FSIP2: variants seen among roughly 807,000 people sequenced by gnomAD.
FSIP2 encodes fibrous sheath interacting protein 2.
A neutral mutation model predicts 510.5 loss-of-function variants in FSIP2; 367 were observed. The ratio of observed to expected loss-of-function variants is 0.72; its 90% CI spans 0.66 to 0.78. FSIP2 has a LOEUF of 0.78. Among genes scored for constraint, FSIP2 ranks in the 30% least tolerant of loss-of-function variants. The pLI is 0.00. For synonymous variants in FSIP2, 2,601 were observed against 2,732.2 expected (o/e 0.95, Z 1.50); for missense variants, 7,594 against 7,901.7 (o/e 0.96, Z 1.48).
At chr2:185,743,409 A>G (rs1691963903) in intron 3 of FSIP2, 115 bp downstream of exon 3, 1 of 499,230 alleles carries the variant, frequency 2.0e-6, no homozygotes, top group Non-Finnish European at 3.3e-6. Flanking sequence ...GTCATGAGAC[A>G]ATACTTAATA....
chr2:185,795,995 T>C lies in FSIP2; in HGVS notation c.8859T>C (p.Thr2953=). The part of the protein sequence containing the change: ...ETLSNSKEHI[T]AKSKYGFPNK... ...TATCAAACAGTAAAGAACACATTAC[T>C]GCTAAAAGTAAATATGGTTTTCCAA... The change falls in exon 16 of 23, where the codon ACT becomes ACC. Residue 2953 remains threonine (T), a synonymous_variant. Transcript: ENST00000424728. The C allele has an allele frequency of 6.5e-7, 1 of 1,534,398 alleles. No homozygotes were observed. Among genetic ancestry groups the C allele is most frequent in the East Asian group, 2.5e-5 (1 of 40,810 alleles).
At chr2:185,747,279 C>A in intron 6 of FSIP2, 34 bp from the exon 7 acceptor site, 1 of 1,189,264 alleles carries the variant, frequency 8.4e-7, no homozygotes, top group Middle Eastern at 1.9e-4. Flanking sequence ...GTGAAAGGCA[C>A]ACACACCAAG....
At chr2:185,824,349 G>A (rs1029354301) in intron 19 of FSIP2, 85 bp from the exon 20 acceptor site, 1 of 852,744 alleles carries the variant, frequency 1.2e-6, no homozygotes. Flanking sequence ...CTTTCCATAT[G>A]GAGAATAACT....
chr2:185,792,343 A>T lies in FSIP2; in HGVS notation c.5207A>T (p.Lys1736Ile). 11 of 1,528,974 alleles carry T rather than the reference A, an allele frequency of 7.2e-6. No homozygotes were observed. The highest frequency in any genetic ancestry group is 9.6e-6 in the Non-Finnish European group (11 of 1,144,230). The allele number at this position is 1,528,974 out of a possible 1,614,324, so 94.7% of individuals were successfully genotyped here. A position where few individuals can be genotyped will look rare whatever the true frequency, so the allele number is the denominator to read the frequency against. ...FLEDDAYTAK[K>I]IIDERSPQRE... ...GAAGATGATGCATATACAGCGAAAAAAATTATTGATGAGAGATCCCCACAA... is the reference window on the plus strand; with the variant it reads ...GAAGATGATGCATATACAGCGAAAATAATTATTGATGAGAGATCCCCACAA... The change falls in exon 16 of 23, where the codon AAA becomes ATA. Residue 1736 changes from lysine (K) to isoleucine (I), a missense_variant. Physicochemically the swap from Lys to Ile is moderately radical, Grantham distance 102. Coordinates refer to ENST00000424728, the MANE Select transcript of FSIP2 (RefSeq NM_173651.4).
intron 22 of FSIP2, 52 bp downstream of exon 22, chr2:185,831,934 C>A: frequency 9.0e-7 from 1 of 1,105,566 alleles, no homozygotes; most frequent in Non-Finnish European, 1.4e-6. Context: ...TCAATTGCAT[C>A]ATTTTGAATT....
At chr2:185,765,861 T>A (rs1692463075) in intron 13 of FSIP2, 1 of 151,500 alleles carries the variant, frequency 6.6e-6, no homozygotes, top group East Asian at 1.9e-4. Context: ...GTCCTTCACA[T>A]CCCTTGTAAG....
chr2:185,817,215 G>A (rs2105672648), intron 19 of FSIP2, among the ~76,000 whole-genome samples: 1 of 151,930 alleles, frequency 6.6e-6, no homozygotes, highest in East Asian at 2.0e-4. Context: ...CTATCTATGG[G>A]CTTTCTTAAG....
rs1693089820 is a variant in FSIP2 at position 185,790,320 on chromosome 2, G to T, written c.3184G>T (p.Ala1062Ser). Residue 1062 changes from alanine to serine, a missense_variant, in exon 16 of 23, where the codon GCA (alanine) becomes TCA (serine). By Grantham distance (99) the Ala-to-Ser change is moderately conservative (BLOSUM62 1). Transcript: ENST00000424728. ...PTKPGSRSKA[A>S]FHDWELKTEP... ...AAAGCCTGGTTCTAGAAGCAAAGCT[G>T]CATTTCATGATTGGGAATTAAAGAC... is the stretch of plus-strand genomic sequence containing the variant. The T allele has an allele frequency of 1.3e-6, 2 of 1,533,716 alleles. No individual in the cohort carries two copies. The highest frequency in any genetic ancestry group is 1.7e-6 in the Non-Finnish European group (2 of 1,145,434).
intron 15 of FSIP2, among the ~76,000 whole-genome samples, chr2:185,787,453 G>T (rs899265019): frequency 6.6e-6 from 1 of 151,536 alleles, no homozygotes; most frequent in African/African-American, 2.4e-5. Context: ...GACTAATTTA[G>T]GCAATATTTT....
intron 2 of FSIP2, among the ~76,000 whole-genome samples, chr2:185,741,118 T>G (rs1691914264): frequency 6.6e-6 from 1 of 152,178 alleles, no homozygotes; most frequent in Non-Finnish European, 1.5e-5. Flanking sequence ...ATAATTCCTC[T>G]TTAGTGCATA....
chr2:185,831,686 G>A, intron 21 of FSIP2, 127 bp from the exon 22 acceptor site: 1 of 668,732 alleles, frequency 1.5e-6, no homozygotes, highest in Admixed American at 2.4e-5. Flanking sequence ...GCAGAGCACA[G>A]ATATATTTTA....
intron 5 of FSIP2, among the ~76,000 whole-genome samples, chr2:185,746,384 G>A (rs1650077276): frequency 6.6e-6 from 1 of 151,766 alleles, no homozygotes; most frequent in South Asian, 2.1e-4. Context: ...AATGCTTACT[G>A]TGCAAAATGT....
At position 185,828,780 on chromosome 2, in the gene FSIP2, C is replaced by T. The variant is rs899781749; in HGVS notation, c.20517+581C>T. ...GTTTCCAATGAGAAATGAAGCTACA[C>T]ATCTTCGTCTGTGTTTTTTAATCAG... On this transcript the variant is annotated intron_variant, in intron 21 of 22. Coordinates refer to ENST00000424728, the MANE Select transcript of FSIP2 (RefSeq NM_173651.4). 7.9e-5 allele frequency among the ~76,000 whole-genome samples: 12 copies of T among 152,002 alleles called. No homozygotes were observed. In the East Asian group the frequency reaches 1.8e-3, roughly 22 times the overall value.
chr2:185,789,319 CTGT>C lies in FSIP2; in HGVS notation c.2185_2187del (p.Val729del). 1 of 1,534,860 alleles carries C rather than the reference CTGT, an allele frequency of 6.5e-7. No homozygotes were observed. Among genetic ancestry groups the C allele is most frequent in the Non-Finnish European group, 8.7e-7 (1 of 1,145,976 alleles). Reference sequence around the variant, plus strand: ...ACCCAGGCCATTCCCTCTCTCTCTTCTGTTACTGCTGAAGTTTTTGTTGAACAA... The same window carrying C: ...ACCCAGGCCATTCCCTCTCTCTCTTCTACTGCTGAAGTTTTTGTTGAACAA... On this transcript the variant is annotated inframe_deletion, in exon 16 of 23. Transcript: ENST00000424728.
At chr2:185,776,849 C>G (rs1201060191) in intron 13 of FSIP2, among the ~76,000 whole-genome samples, 1 of 152,042 alleles carries the variant, frequency 6.6e-6, no homozygotes, top group African/African-American at 2.4e-5. Context: ...ACTCTCCTGC[C>G]TCAGCCTCCC....
chr2:185,824,667 C>G (rs1210122161), intron 20 of FSIP2, among the ~76,000 whole-genome samples, 187 bp downstream of exon 20: 1 of 151,530 alleles, frequency 6.6e-6, no homozygotes, highest in Admixed American at 6.6e-5. Context: ...GCCTAAACTG[C>G]CATTAAGATT....
rs771535446 is a variant in FSIP2, at chr2:185,833,266, A to C, written c.*40A>C. 1.3e-6 allele frequency: 2 copies of C among 1,539,092 alleles called. No homozygotes were observed. Among genetic ancestry groups the C allele is most frequent in the South Asian group, 1.2e-5 (1 of 83,296 alleles). The stretch of plus-strand genomic sequence containing the variant: ...ATATAAGTATGCTTACTTCTTTTAG[A>C]AAATAAAATGGTTTTTAAAGCATAG... On this transcript the variant is annotated 3_prime_UTR_variant, in exon 23 of 23. Coordinates refer to ENST00000424728, the MANE Select transcript of FSIP2 (RefSeq NM_173651.4).
chr2:185,740,147 A>G (rs926870581), intron 2 of FSIP2, among the ~76,000 whole-genome samples: 3 of 152,128 alleles, frequency 2.0e-5, no homozygotes, highest in Non-Finnish European at 4.4e-5. Context: ...TATTTTGTCA[A>G]CTTTGCCCCC....
chr2:185,747,017 T>A (rs1692047901), intron 6 of FSIP2, among the ~76,000 whole-genome samples: 1 of 152,148 alleles, frequency 6.6e-6, no homozygotes, highest in Admixed American at 6.6e-5. Context: ...TAAGCCAATT[T>A]CTGCTCTTAA....
Sources: gnomAD v4.1 joint callset for allele counts (sites outside exome capture counted in the v4.1 genomes callset) on GRCh38, gnomAD v4.1.1 for gene constraint, MANE v1.5 for transcripts, NCBI Gene and HGNC (gene_info 2026-07-23, HGNC 2026-07-21) for gene names.